CTNNA2: variants seen among roughly 807,000 people sequenced by gnomAD.
The protein encoded by CTNNA2 is catenin alpha 2.
A neutral mutation model predicts 101.0 loss-of-function variants in CTNNA2; 42 were observed. That is an observed-to-expected ratio of 0.42 (90% CI 0.32 to 0.54). The LOEUF (loss-of-function observed/expected upper bound fraction) is 0.54, where lower values mean the gene tolerates loss of function less well. Ranked by LOEUF, CTNNA2 falls within the 20% of genes least tolerant of loss-of-function variation. The pLI, the probability that CTNNA2 is intolerant of heterozygous loss-of-function variation, is 0.14. For synonymous variants in CTNNA2, 450 were observed against 456.4 expected, an observed-to-expected ratio of 0.99 and a Z score of 0.18; for missense variants, 871 against 1,223.1, an observed-to-expected ratio of 0.71 and a Z score of 4.29.
chr2:79,527,425 A>G (rs976763534), intron 1 of CTNNA2, among the ~76,000 whole-genome samples: 28 of 148,572 alleles, frequency 1.9e-4, no homozygotes, highest in African/African-American at 7.0e-4. Flanking sequence ...AGGTCAGGAG[A>G]TCGAGACCAT....
chr2:79,235,402 T>A (rs1674543121), intron 2 of CTNNA2, among the ~76,000 whole-genome samples: 1 of 152,176 alleles, frequency 6.6e-6, no homozygotes, highest in Non-Finnish European at 1.5e-5. Flanking sequence ...TTAATGCAGT[T>A]GGTAGTAGTG....
intron 2 of CTNNA2, among the ~76,000 whole-genome samples, chr2:79,680,645 T>A (rs1376535665): frequency 6.6e-6 from 1 of 152,296 alleles, no homozygotes. Flanking sequence ...TGTTTCAGAA[T>A]TTCATCAGTG....
intron 4 of CTNNA2, among the ~76,000 whole-genome samples, chr2:79,378,043 A>G (rs1351619820): frequency 6.6e-6 from 1 of 152,138 alleles, no homozygotes; most frequent in Non-Finnish European, 1.5e-5. Flanking sequence ...ATCCTAATCA[A>G]TTAAGTCAAA....
chr2:80,487,772 T>G (rs1228297389), intron 9 of CTNNA2, among the ~76,000 whole-genome samples: 2 of 152,164 alleles, frequency 1.3e-5, no homozygotes, highest in Non-Finnish European at 2.9e-5. Context: ...GAAACTTATC[T>G]CCATGCATTG....
chr2:79,675,982 G>C (rs934449631), intron 2 of CTNNA2, among the ~76,000 whole-genome samples: 1 of 152,138 alleles, frequency 6.6e-6, no homozygotes, highest in African/African-American at 2.4e-5. Context: ...GAGTGTCAAG[G>C]TATTGGATCA....
At chr2:80,168,275 A>T (rs1251224319) in intron 7 of CTNNA2, among the ~76,000 whole-genome samples, 1 of 152,196 alleles carries the variant, frequency 6.6e-6, no homozygotes, top group East Asian at 1.9e-4. Flanking sequence ...GACCCTAAGT[A>T]GAAGTAAGAT....
At chr2:79,900,605 G>A (rs573591139) in intron 6 of CTNNA2, among the ~76,000 whole-genome samples, 3 of 152,194 alleles carry the variant, frequency 2.0e-5, no homozygotes, top group South Asian at 2.1e-4. Flanking sequence ...CCCCCTCTTC[G>A]TTATGTGGAA....
chr2:79,929,428 T>C (rs572800615), intron 7 of CTNNA2, among the ~76,000 whole-genome samples: 3 of 152,220 alleles, frequency 2.0e-5, no homozygotes, highest in Non-Finnish European at 4.4e-5. Context: ...TTAGGCTCAA[T>C]AGAAAGCAAA....
intron 7 of CTNNA2, among the ~76,000 whole-genome samples, chr2:80,138,812 A>G (rs1023210301): frequency 6.6e-6 from 1 of 152,206 alleles, no homozygotes; most frequent in Non-Finnish European, 1.5e-5. Context: ...ATTGTTAGCT[A>G]ATATTATCCT....
chr2:79,405,429 G>A (rs532360292), intron 4 of CTNNA2, among the ~76,000 whole-genome samples: 7 of 152,058 alleles, frequency 4.6e-5, no homozygotes, highest in African/African-American at 1.4e-4. Flanking sequence ...GGGTTCAAGC[G>A]ATTCTCCTGT....
rs531543592 is a variant in CTNNA2, at chr2:79,338,234, A to G, written c.-318+25438A>G. Among the ~76,000 whole-genome samples the G allele has an allele frequency of 7.9e-5, 8 of 101,338 alleles. No individual in the cohort carries two copies. In the South Asian group the frequency reaches 2.9e-3, roughly 37 times the overall value. The allele number at this position is 101,338 out of a possible 152,430, so 66.5% of individuals were successfully genotyped here. ...GCACTCCAGCCTGGGTGACAGAACCAGACTCCATCTCAAAAAAAAAAAATT... is the reference window on the plus strand; with the variant it reads ...GCACTCCAGCCTGGGTGACAGAACCGGACTCCATCTCAAAAAAAAAAAATT... On this transcript the variant is annotated intron_variant, in intron 3 of 21. Transcript: ENST00000466387.
intron 4 of CTNNA2, among the ~76,000 whole-genome samples, chr2:79,456,846 C>A (rs911516244): frequency 1.3e-5 from 2 of 152,042 alleles, no homozygotes; most frequent in African/African-American, 4.8e-5. Flanking sequence ...AAAACAAAAA[C>A]AATTCAAGTA....
chr2:80,177,246 A>G (rs954533448), intron 7 of CTNNA2, among the ~76,000 whole-genome samples: 1 of 152,172 alleles, frequency 6.6e-6, no homozygotes. Context: ...GATGGTGGAT[A>G]AGGCATTATG....
intron 9 of CTNNA2, among the ~76,000 whole-genome samples, chr2:80,514,748 A>G (rs1307924593): frequency 1.3e-5 from 2 of 152,104 alleles, no homozygotes; most frequent in Non-Finnish European, 2.9e-5. Context: ...CTCTCCAGTC[A>G]AGCCGCTTCT....
Position 80,606,367 on chromosome 2 carries a change from A to AACACACAC in CTNNA2, c.2296-1778_2296-1771dup, listed in dbSNP as rs67402125. 5.7e-4 allele frequency among the ~76,000 whole-genome samples: 79 copies of AACACACAC among 137,506 alleles called. 1 individual carries two copies. Among genetic ancestry groups the AACACACAC allele is most frequent in the African/African-American group, 1.8e-3 (67 of 36,260 alleles). The allele number at this position is 137,506 out of a possible 152,430, so 90.2% of individuals were successfully genotyped here. A position where few individuals can be genotyped will look rare whatever the true frequency, so the allele number is the denominator to read the frequency against. The stretch of plus-strand genomic sequence containing the variant: ...CAGTTGATATGTGAAAAACACATCA[A>AACACACAC]ACACACACACACACACACACACACA... On this transcript the variant is annotated intron_variant, in intron 16 of 18. Transcript: ENST00000402739.
At chr2:80,517,356 T>G (rs1411326464) in intron 9 of CTNNA2, among the ~76,000 whole-genome samples, 1 of 152,184 alleles carries the variant, frequency 6.6e-6, no homozygotes, top group Admixed American at 6.5e-5. Context: ...ATGGATTTGC[T>G]CAGGGGCACT....
At chr2:80,263,629 C>T (rs1672781764) in intron 7 of CTNNA2, among the ~76,000 whole-genome samples, 1 of 152,240 alleles carries the variant, frequency 6.6e-6, no homozygotes, top group South Asian at 2.1e-4. Flanking sequence ...AGCCACTGCA[C>T]CCGGCCATGT....
At chr2:79,238,993 C>T (rs763668133) in intron 2 of CTNNA2, among the ~76,000 whole-genome samples, 1 of 152,054 alleles carries the variant, frequency 6.6e-6, no homozygotes, top group Non-Finnish European at 1.5e-5. Context: ...GGTACATGTA[C>T]AGGATGTGCA....
At chr2:79,775,487 A>G (rs1673892394) in intron 3 of CTNNA2, among the ~76,000 whole-genome samples, 1 of 152,192 alleles carries the variant, frequency 6.6e-6, no homozygotes, top group South Asian at 2.1e-4. Context: ...TTTTAAGTTC[A>G]GGGGTACATG....
Sources: allele counts gnomAD v4.1 joint callset (sites outside exome capture counted in the v4.1 genomes callset), GRCh38; gene constraint gnomAD v4.1.1; transcripts MANE v1.5; gene names NCBI Gene and HGNC (gene_info 2026-07-23, HGNC 2026-07-21).